The following F8 variants were observed in gnomAD, a reference collection of about 807,000 sequenced individuals.
F8 encodes the protein antihemophilic factor.
F8 carries 12 observed loss-of-function variants against 140.6 expected under a neutral mutation model. The observed-to-expected ratio is 0.09, with a 90% confidence interval of 0.05 to 0.14. The LOEUF (loss-of-function observed/expected upper bound fraction) is 0.14. F8 is among the 10% of genes least tolerant of loss of function. The pLI, the probability that F8 is intolerant of heterozygous loss-of-function variation, is 1.00. For synonymous variants in F8, 585 were observed against 614.6 expected, an observed-to-expected ratio of 0.95 and a Z score of 0.71; for missense variants, 1,354 against 1,720.7, an observed-to-expected ratio of 0.79 and a Z score of 3.77.
chrX:154,860,884 G>C lies in F8; in HGVS notation c.6724-276C>G, dbSNP rs186834510. ...CAGATAATTTTATATTTTTAGTAGA[G>C]ATGAGGTTTCACCAGGTTGGCCAGG... is the stretch of plus-strand genomic sequence containing the variant. On this transcript the variant is annotated intron_variant, in intron 24 of 25. Transcript: ENST00000360256. 4.3e-3 allele frequency among the ~76,000 whole-genome samples: 485 copies of C among 111,568 alleles called. 5 individuals carry two copies. In the Middle Eastern group the frequency reaches 0.046, roughly 11 times the overall value.
chrX:154,923,885 T>C (rs1318032173), intron 14 of F8, among the ~76,000 whole-genome samples: 3 of 111,141 alleles, frequency 2.7e-5, no homozygotes, highest in Non-Finnish European at 5.7e-5. Context: ...GGCAGGAGAA[T>C]CACTTGAACC....
intron 1 of F8, among the ~76,000 whole-genome samples, chrX:155,017,533 A>C (rs1414914413): frequency 8.9e-6 from 1 of 112,858 alleles, no homozygotes; most frequent in Non-Finnish European, 1.9e-5. Flanking sequence ...ATCAAAGAAG[A>C]TATTACAAAC....
Position 154,888,505 on chromosome X carries a change from C to T in F8, c.6429+7572G>A, listed in dbSNP as rs2072916938. 9.2e-5 allele frequency among the ~76,000 whole-genome samples: 7 copies of T among 76,481 alleles called. No homozygotes were observed. In the South Asian group the frequency reaches 4.8e-3, roughly 53 times the overall value. The allele number at this position is 76,481 out of a possible 115,157, so 66.4% of individuals were successfully genotyped here. On this transcript the variant is annotated intron_variant, in intron 22 of 25. Coordinates refer to ENST00000360256, the MANE Select transcript of F8 (RefSeq NM_000132.4). ...CGCCTCCTGGGTTCAAGCGATTCTC[C>T]TACCTCAACCTCCAGGGTGCCTGGG...
chrX:155,007,563 A>G (rs1454996587), intron 1 of F8, among the ~76,000 whole-genome samples: 2 of 112,270 alleles, frequency 1.8e-5, no homozygotes, highest in African/African-American at 6.5e-5. Flanking sequence ...AGCAGCAGGC[A>G]GGGAGCAAAG....
At chrX:154,893,032 CAACCCCTTATCTT>C (rs1557275289) in intron 22 of F8, among the ~76,000 whole-genome samples, 1 of 112,149 alleles carries the variant, frequency 8.9e-6, no homozygotes, top group Non-Finnish European at 1.9e-5. Context: ...TTGGTCTTCA[CAACCCCTTATCTT>C]AACCCCGATG....
At chrX:154,926,016 C>T (rs782390908) in intron 14 of F8, among the ~76,000 whole-genome samples, 5 of 112,096 alleles carry the variant, frequency 4.5e-5, no homozygotes, top group Non-Finnish European at 9.4e-5. Context: ...GTAACTGAAT[C>T]ATGGCAGTAG....
At chrX:154,862,006 T>C in intron 23 of F8, 140 bp from the exon 24 acceptor site, 1 of 754,206 alleles carries the variant, frequency 1.3e-6, no homozygotes, top group Non-Finnish European at 2.0e-6. Context: ...GATTCTGTTA[T>C]TGGTTTTTTG....
intron 1 of F8, among the ~76,000 whole-genome samples, chrX:155,011,274 A>C (rs1488489386): frequency 8.9e-6 from 1 of 112,740 alleles, no homozygotes; most frequent in Non-Finnish European, 1.9e-5. Context: ...CAAAGGAGAT[A>C]CACAAATGGT....
intron 25 of F8, among the ~76,000 whole-genome samples, chrX:154,858,973 G>C (rs1231207102): frequency 8.9e-6 from 1 of 112,359 alleles, no homozygotes; most frequent in East Asian, 2.8e-4. Context: ...ATCGAAGTCA[G>C]TAGACTGAGT....
At chrX:154,850,083 TTGTGTGTG>T (rs60052978) in intron 25 of F8, among the ~76,000 whole-genome samples, 41 of 96,072 alleles carry the variant, frequency 4.3e-4, no homozygotes, top group Admixed American at 1.6e-3. Context: ...CAGGCTTGTT[TTGTGTGTG>T]TGTGTGTGTG....
At chrX:154,906,636 C>T in intron 14 of F8, 63 bp from the exon 15 acceptor site, 5 of 1,072,658 alleles carry the variant, frequency 4.7e-6, no homozygotes, top group Non-Finnish European at 6.5e-6. Flanking sequence ...AAATGCCTCA[C>T]ATCCTCATTT....
chrX:154,904,731 G>A (rs1012325228), intron 16 of F8, 80 bp downstream of exon 16: 10 of 907,992 alleles, frequency 1.1e-5, no homozygotes, highest in Non-Finnish European at 1.4e-5. Flanking sequence ...TTGCACGTAG[G>A]ATAAATATCA....
intron 9 of F8, chrX:154,965,624 C>G (rs2073419299): frequency 6.8e-6 from 1 of 147,085 alleles, no homozygotes; most frequent in African/African-American, 3.1e-5. Flanking sequence ...AAAATCTCAT[C>G]TAAGCTCATG....
chrX:154,935,981 AACACACACACACACACACACACAC>A lies in F8; in HGVS notation c.2114-4329_2114-4306del, dbSNP rs782071576. On this transcript the variant is annotated intron_variant, in intron 13 of 25. Transcript: ENST00000360256. ...GAATAAGCCTAGAGAATGCCAAAGT[AACACACACACACACACACACACAC>A]ACACACACACACACACACAAAAATC... is the stretch of plus-strand genomic sequence containing the variant. 1.4e-4 allele frequency among the ~76,000 whole-genome samples: 12 copies of A among 88,325 alleles called. No individual in the cohort carries two copies. In the South Asian group the frequency reaches 6.9e-3, roughly 50 times the overall value. The allele number at this position is 88,325 out of a possible 115,157, so 76.7% of individuals were successfully genotyped here.
chrX:154,978,646 G>A (rs782050168), intron 6 of F8, among the ~76,000 whole-genome samples: 2 of 111,742 alleles, frequency 1.8e-5, no homozygotes, highest in South Asian at 3.8e-4. Flanking sequence ...CTCCTTTGGA[G>A]TGTCATAGTT....
At chrX:154,844,293 T>C (rs1303057768) in intron 25 of F8, among the ~76,000 whole-genome samples, 4 of 112,121 alleles carry the variant, frequency 3.6e-5, no homozygotes, top group African/African-American at 1.3e-4. Flanking sequence ...TGGTTCCAAA[T>C]GAACTTTAAA....
intron 1 of F8, 144 bp downstream of exon 1, chrX:155,022,266 T>C: frequency 1.7e-6 from 1 of 604,155 alleles, no homozygotes; most frequent in Non-Finnish European, 2.8e-6. Context: ...ATAACACAGA[T>C]GTGTGCACAC....
chrX:154,934,942 T>C (rs2073215605), intron 13 of F8, among the ~76,000 whole-genome samples: 1 of 110,741 alleles, frequency 9.0e-6, no homozygotes, highest in Admixed American at 9.7e-5. Flanking sequence ...GGTTGGAGGA[T>C]TGCTTGAGCT....
Position 154,947,923 on chromosome X carries a change from G to A in F8, c.1904-16C>T, listed in dbSNP as rs782675198. On this transcript the variant is annotated splice_polypyrimidine_tract_variant and intron_variant, in intron 12 of 25. Coordinates refer to ENST00000360256, the MANE Select transcript of F8 (RefSeq NM_000132.4). ...CCATTGATGCCTGCAAAAACAATGG[G>A]GAAAAGAGATTTAGACACATCACAG... 2 of 1,165,293 alleles carry A rather than the reference G, an allele frequency of 1.7e-6. No homozygotes were observed. Among genetic ancestry groups the A allele is most frequent in the South Asian group, 1.8e-5 (1 of 55,678 alleles).
Sources: allele counts gnomAD v4.1 joint callset (sites outside exome capture counted in the v4.1 genomes callset), GRCh38; gene constraint gnomAD v4.1.1; transcripts MANE v1.5; gene names NCBI Gene and HGNC (gene_info 2026-07-23, HGNC 2026-07-21).